Variants in LAMA3 observed in about 807,000 individuals in gnomAD.
LAMA3 encodes laminin subunit alpha 3, also known as laminin subunit alpha-3.
In LAMA3, 281 loss-of-function variants were observed where a neutral mutation model predicts 402.0. That is an observed-to-expected ratio of 0.70 (90% confidence interval 0.63 to 0.77). The LOEUF (loss-of-function observed/expected upper bound fraction) is 0.77, where lower values mean the gene tolerates loss of function less well. Ranked by LOEUF, LAMA3 falls within the 30% of genes least tolerant of loss-of-function variation. The pLI is 0.00. For synonymous variants in LAMA3, 1,431 were observed against 1,558.4 expected (o/e 0.92, Z 1.93); for missense variants, 3,840 against 4,215.5 (o/e 0.91, Z 2.47).
At chr18:23,763,103 C>T (rs1381672031) in intron 7 of LAMA3, among the ~76,000 whole-genome samples, 2 of 152,132 alleles carry the variant, frequency 1.3e-5, no homozygotes, top group African/African-American at 4.8e-5. Flanking sequence ...TGTGATCCAT[C>T]CGCCTAGGCC....
chr18:23,746,496 G>A (rs2061653337), intron 2 of LAMA3, among the ~76,000 whole-genome samples: 1 of 152,182 alleles, frequency 6.6e-6, no homozygotes, highest in Non-Finnish European at 1.5e-5. Flanking sequence ...GAATGAAGAA[G>A]CAGGTGTGGG....
chr18:23,841,536 A>T (rs191907293), intron 27 of LAMA3, among the ~76,000 whole-genome samples: 18 of 152,286 alleles, frequency 1.2e-4, no homozygotes, highest in Admixed American at 6.5e-4. Context: ...GGGAGCTGGG[A>T]GCCCCTGAGA....
chr18:23,951,810 TA>T, intron 73 of LAMA3, 33 bp downstream of exon 73: 1 of 1,491,434 alleles, frequency 6.7e-7, no homozygotes, highest in Non-Finnish European at 9.3e-7. Flanking sequence ...GTTCATGCAC[TA>T]AAACAGGCCC....
intron 39 of LAMA3, among the ~76,000 whole-genome samples, chr18:23,880,082 C>T (rs994256945): frequency 1.3e-5 from 2 of 152,184 alleles, no homozygotes; most frequent in African/African-American, 4.8e-5. Context: ...CTGAGAGAGT[C>T]AGGGCAGCTG....
chr18:23,836,106 T>TGC (rs2063575501), intron 24 of LAMA3, among the ~76,000 whole-genome samples: 1 of 148,042 alleles, frequency 6.8e-6, no homozygotes, highest in African/African-American at 2.5e-5. Flanking sequence ...TTTTAATGGA[T>TGC]ACACACACAC....
At chr18:23,830,543 C>T (rs12958407) in intron 23 of LAMA3, among the ~76,000 whole-genome samples, 3 of 152,174 alleles carry the variant, frequency 2.0e-5, no homozygotes, top group Non-Finnish European at 2.9e-5. Context: ...TTTAACTTCT[C>T]GGCAGCTTTC....
intron 68 of LAMA3, among the ~76,000 whole-genome samples, chr18:23,942,281 C>G (rs2082549258): frequency 6.6e-6 from 1 of 152,178 alleles, no homozygotes; most frequent in Non-Finnish European, 1.5e-5. Flanking sequence ...AGACGTTAGC[C>G]ACAGGAATGG....
chr18:23,954,429 T>G, intron 74 of LAMA3, 74 bp from the exon 75 acceptor site: 4 of 1,088,040 alleles, frequency 3.7e-6, no homozygotes, highest in Admixed American at 1.9e-5. Context: ...AAAAATACTA[T>G]CTTTTAAAAT....
At chr18:23,794,943 G>T in intron 12 of LAMA3, among the ~76,000 whole-genome samples, 1 of 152,174 alleles carries the variant, frequency 6.6e-6, no homozygotes, top group African/African-American at 2.4e-5. Context: ...ATCTTTAAAT[G>T]TATGTTATAA....
intron 1 of LAMA3, among the ~76,000 whole-genome samples, chr18:23,699,059 A>AGAGAGAG (rs2060743263): frequency 6.6e-6 from 1 of 151,202 alleles, no homozygotes; most frequent in African/African-American, 2.5e-5. Flanking sequence ...AGAGAGAAAG[A>AGAGAGAG]AAAGAAAAGA....
intron 12 of LAMA3, among the ~76,000 whole-genome samples, chr18:23,791,080 G>T (rs919932093): frequency 7.2e-5 from 11 of 151,992 alleles, no homozygotes; most frequent in Non-Finnish European, 1.5e-4. Context: ...AGTAGAGACG[G>T]GGTTTCACCG....
At position 23,778,109 on chromosome 18, in the gene LAMA3, G is replaced by A. The variant is rs188129662; in HGVS notation, c.1468+490G>A. Among the ~76,000 whole-genome samples the A allele has an allele frequency of 4.3e-4, 66 of 152,282 alleles. 1 individual carries two copies. The East Asian group carries it at 6.8e-3, about 16-fold the overall frequency. Reference sequence around the variant, plus strand: ...CTGGCACTTACAGCTTGGCCTTCAGGAAGGCTGAGGAGCTTCTGCAGTCCC... The same window carrying A: ...CTGGCACTTACAGCTTGGCCTTCAGAAAGGCTGAGGAGCTTCTGCAGTCCC... On this transcript the variant is annotated intron_variant, in intron 11 of 74. Coordinates refer to ENST00000313654, the MANE Select transcript of LAMA3 (RefSeq NM_198129.4).
intron 8 of LAMA3, among the ~76,000 whole-genome samples, chr18:23,767,297 C>G (rs1299494301): frequency 6.6e-6 from 1 of 152,096 alleles, no homozygotes; most frequent in Non-Finnish European, 1.5e-5. Context: ...CCATACTGCC[C>G]AAAGCAATCT....
intron 2 of LAMA3, among the ~76,000 whole-genome samples, chr18:23,742,070 C>T (rs183606275): frequency 2.0e-5 from 3 of 152,138 alleles, no homozygotes; most frequent in African/African-American, 4.8e-5. Flanking sequence ...TGCAGTGAGC[C>T]GAGATCGTGC....
At position 23,890,157 on chromosome 18, in the gene LAMA3, A is replaced by AT. The variant is rs749353398; in HGVS notation, c.5410+40_5410+41insT. 124 of 1,331,546 alleles carry AT rather than the reference A, an allele frequency of 9.3e-5. No individual in the cohort carries two copies. In the African/African-American group the frequency reaches 1.3e-3, roughly 14 times the overall value. 82.5% of individuals were successfully genotyped at this position (1,331,546 alleles called of 1,614,324 possible). On this transcript the variant is annotated intron_variant, in intron 42 of 74. Coordinates refer to ENST00000313654, the MANE Select transcript of LAMA3 (RefSeq NM_198129.4). ...CACCCCTGCTAACTTGCATTTATAA[A>AT]GCTGGTATAACTTAACAGCCTAAGA...
chr18:23,884,570 G>T (rs2065009111), intron 40 of LAMA3, among the ~76,000 whole-genome samples: 1 of 152,116 alleles, frequency 6.6e-6, no homozygotes, highest in South Asian at 2.1e-4. Flanking sequence ...TTCAGTCCTT[G>T]TTCACCAAAA....
At chr18:23,750,539 T>C (rs2061731538) in intron 4 of LAMA3, among the ~76,000 whole-genome samples, 1 of 151,354 alleles carries the variant, frequency 6.6e-6, no homozygotes, top group Admixed American at 6.6e-5. Context: ...TGGGTTACTT[T>C]AGCTTTGTTT....
intron 39 of LAMA3, among the ~76,000 whole-genome samples, chr18:23,876,611 C>T (rs183921229): frequency 5.4e-4 from 82 of 152,314 alleles, no homozygotes; most frequent in South Asian, 1.5e-3. Flanking sequence ...ATTAAAAGAG[C>T]GCTGCTGTCT....
chr18:23,815,072 G>A, intron 15 of LAMA3, 116 bp from the exon 16 acceptor site: 4 of 878,058 alleles, frequency 4.6e-6, no homozygotes, highest in Non-Finnish European at 7.6e-6. Flanking sequence ...TCATTCTGTT[G>A]AACTGCGCTG....
Sources: gnomAD v4.1 joint callset for allele counts (sites outside exome capture counted in the v4.1 genomes callset) on GRCh38, gnomAD v4.1.1 for gene constraint, MANE v1.5 for transcripts, NCBI Gene and HGNC (gene_info 2026-07-23, HGNC 2026-07-21) for gene names.